The following MRGPRX1 variants were observed in gnomAD, a reference collection of about 807,000 sequenced individuals.
MRGPRX1 encodes mas-related G protein-coupled receptor member X1.
For synonymous variants in MRGPRX1, 208 were observed against 170.4 expected (o/e 1.22, Z -1.72); for missense variants, 411 against 393.8 (o/e 1.04, Z -0.37).
intron 1 of MRGPRX1, among the ~76,000 whole-genome samples, chr11:18,936,524 G>C (rs1848842222): frequency 6.6e-6 from 1 of 151,264 alleles, no homozygotes; most frequent in South Asian, 2.1e-4. Context: ...GGAGCATCAG[G>C]AGTGAGTGCA....
Position 18,934,439 on chromosome 11 carries a change from C to G in MRGPRX1, c.346G>C (p.Val116Leu), listed in dbSNP as rs145122494. The stretch of plus-strand genomic sequence containing the variant: ...ACGGACAGGCAGCGCTCGGTGCTCA[C>G]GGCACTCAGAAAGCTCAGGCCTGCA... ...YFAGLSFLSA[V>L]STERCLSVLW... The change falls in exon 2 of 2, where the codon GTG becomes CTG. Residue 116 changes from valine to leucine, a missense_variant. Transcript: ENST00000526914. The G allele has an allele frequency of 6.8e-6, 11 of 1,610,372 alleles. 1 individual carries two copies. The African/African-American group carries it at 1.1e-4, about 16-fold the overall frequency.
At chr11:18,936,213 CTG>C (rs1255011114) in intron 1 of MRGPRX1, among the ~76,000 whole-genome samples, 1 of 150,856 alleles carries the variant, frequency 6.6e-6, no homozygotes, top group Non-Finnish European at 1.5e-5. Context: ...CAGCACGACT[CTG>C]TGTCGATTAT....
chr11:18,934,353 G>A lies in MRGPRX1; in HGVS notation c.432C>T (p.Val144=). 6.2e-7 allele frequency: 1 copy of A among 1,610,832 alleles called. No homozygotes were observed. The highest frequency in any genetic ancestry group is 8.5e-7 in the Non-Finnish European group (1 of 1,178,168). The change falls in exon 2 of 2, where the codon GTC becomes GTT. Residue 144 remains valine (V), a synonymous_variant. Transcript: ENST00000526914. ...GCAGCAGGGACAGGGCCCAGAGCAG[G>A]ACACACACCACCGCTGACAGGTGTG... ...RPTHLSAVVC[V]LLWALSLLRS...
At position 18,933,797 on chromosome 11, in the gene MRGPRX1, A is replaced by G. The variant is rs745716221; in HGVS notation, c.*19T>C. The G allele has an allele frequency of 3.8e-6, 6 of 1,585,532 alleles. No homozygotes were observed. The highest frequency in any genetic ancestry group is 1.7e-4 in the Middle Eastern group (1 of 5,894). ...AGTGTTGCTCTCAAAGTCCTGTCTG[A>G]CAGGGCAGAGGCTCTTCCTCACTGC... On this transcript the variant is annotated 3_prime_UTR_variant, in exon 2 of 2. Transcript: ENST00000526914.
At chr11:18,937,544 T>C (rs1423465892) in intron 1 of MRGPRX1, among the ~76,000 whole-genome samples, 1 of 151,496 alleles carries the variant, frequency 6.6e-6, no homozygotes, top group Non-Finnish European at 1.5e-5. Flanking sequence ...ACTGACAAAA[T>C]GCAAATGCCA....
chr11:18,935,146 T>G, intron 1 of MRGPRX1: 1 of 208,452 alleles, frequency 4.8e-6, no homozygotes. Flanking sequence ...AATTCAGGTA[T>G]GCAAAGAGGT....
intron 1 of MRGPRX1, among the ~76,000 whole-genome samples, chr11:18,937,729 T>C (rs945831803): frequency 1.3e-5 from 2 of 151,540 alleles, no homozygotes; most frequent in African/African-American, 4.8e-5. Flanking sequence ...CACTGTACTT[T>C]CTTATTTAAG....
rs1336835267 is a variant in MRGPRX1 at position 18,934,547 on chromosome 11, G to T, written c.238C>A (p.Leu80Ile). The T allele has an allele frequency of 2.5e-6, 4 of 1,610,024 alleles. No homozygotes were observed. Among genetic ancestry groups the T allele is most frequent in the East Asian group, 4.5e-5 (2 of 44,798 alleles). Residue 80 changes from leucine to isoleucine, a missense_variant, in exon 2 of 2, where the codon CTT (leucine) becomes ATT (isoleucine). By Grantham distance (5) the Leu-to-Ile change is conservative. Coordinates refer to ENST00000526914, the MANE Select transcript of MRGPRX1 (RefSeq NM_001393578.1). Reference protein sequence around the residue: ...AADFLFLSGRLIYSLLSFISI... With the variant: ...AADFLFLSGRIIYSLLSFISI... Reference sequence around the variant, plus strand: ...ATGAAGCTTAACAGGGAATATATAAGGCGGCCGCTGAGGAAGAGGAAGTCT... The same window carrying T: ...ATGAAGCTTAACAGGGAATATATAATGCGGCCGCTGAGGAAGAGGAAGTCT...
At chr11:18,937,816 T>G (rs1284939478) in intron 1 of MRGPRX1, among the ~76,000 whole-genome samples, 1 of 151,508 alleles carries the variant, frequency 6.6e-6, no homozygotes, top group Admixed American at 6.6e-5. Flanking sequence ...CTTTTTAAAA[T>G]TACATTTTAT....
Position 18,934,806 on chromosome 11 carries a change from G to C in MRGPRX1, c.-22C>G. On this transcript the variant is annotated 5_prime_UTR_variant, in exon 2 of 2. Transcript: ENST00000526914. The stretch of plus-strand genomic sequence containing the variant: ...CCATGCTCAGAAACCCTAGTCTGGT[G>C]ACCCTGGAAACAGAAACCAGTTGTG... 3.9e-6 allele frequency: 6 copies of C among 1,538,908 alleles called. No individual in the cohort carries two copies. The highest frequency in any genetic ancestry group is 5.3e-6 in the Non-Finnish European group (6 of 1,142,658).
rs752317353 is a variant in MRGPRX1 at position 18,934,600 on chromosome 11, G to C, written c.185C>G (p.Ser62Cys). The C allele has an allele frequency of 1.2e-6, 2 of 1,609,916 alleles. No individual in the cohort carries two copies. Among genetic ancestry groups the C allele is most frequent in the South Asian group, 1.1e-5 (1 of 90,624 alleles). ...LGCRMRRNAF[S>C]IYILNLAAAD... is the part of the protein sequence containing the mutation. ...TGCGGCCAAGTTGAGGATGTAGATGGAGAAGGCGTTCCTGCGCATGCGGCA... is the reference window on the plus strand; with the variant it reads ...TGCGGCCAAGTTGAGGATGTAGATGCAGAAGGCGTTCCTGCGCATGCGGCA... The change falls in exon 2 of 2, where the codon TCC (serine) becomes TGC (cysteine). Residue 62 changes from serine (S) to cysteine (C), a missense_variant. By Grantham distance (112) the Ser-to-Cys change is moderately radical (BLOSUM62 -1). Transcript: ENST00000526914.
intron 1 of MRGPRX1, among the ~76,000 whole-genome samples, chr11:18,935,946 T>C (rs927447957): frequency 2.0e-5 from 3 of 151,452 alleles, no homozygotes; most frequent in African/African-American, 7.3e-5. Context: ...AAGAGAGATA[T>C]TCATGTAGAT....
chr11:18,934,140 G>A lies in MRGPRX1; in HGVS notation c.645C>T (p.Tyr215=), dbSNP rs1245445796. Residue 215 remains tyrosine (Y), a synonymous_variant, in exon 2 of 2, where the codon TAC becomes TAT. Transcript: ENST00000526914. ...CCAGTACTGTGAGCAGGATGGTCACGTACAGCCTGGTCAGCGGTATCTTCC... is the reference window on the plus strand; with the variant it reads ...CCAGTACTGTGAGCAGGATGGTCACATACAGCCTGGTCAGCGGTATCTTCC... The part of the protein sequence containing the change: ...GSRKIPLTRL[Y]VTILLTVLVF... 61 of 1,610,800 alleles carry A rather than the reference G, an allele frequency of 3.8e-5. 2 individuals carry two copies. Among genetic ancestry groups the A allele is most frequent in the Non-Finnish European group, 4.8e-5 (56 of 1,178,226 alleles).
rs1452166978 is a variant in MRGPRX1 at position 18,933,559 on chromosome 11, G to A, written c.*257C>T. Among the ~76,000 whole-genome samples the A allele has an allele frequency of 6.6e-6, 1 of 151,512 alleles. No individual in the cohort carries two copies. Among genetic ancestry groups the A allele is most frequent in the African/African-American group, 2.4e-5 (1 of 41,314 alleles). On this transcript the variant is annotated 3_prime_UTR_variant, in exon 2 of 2. Transcript: ENST00000526914. Reference sequence around the variant, plus strand: ...AAGAAAATTGCAGAAAAAGTGTTCTGTAGGAAAGATTCAGTGTGAGATAAC... The same window carrying A: ...AAGAAAATTGCAGAAAAAGTGTTCTATAGGAAAGATTCAGTGTGAGATAAC...
At chr11:18,935,108 G>C (rs190477262) in intron 1 of MRGPRX1, 331 of 260,038 alleles carry the variant, frequency 1.3e-3, no homozygotes, top group Middle Eastern at 2.6e-3. Flanking sequence ...ACTCTATCCT[G>C]GGCCTGAAAT....
chr11:18,938,776 A>G (rs1338953743), intron 1 of MRGPRX1, among the ~76,000 whole-genome samples: 1 of 151,436 alleles, frequency 6.6e-6, no homozygotes, highest in Non-Finnish European at 1.5e-5. Flanking sequence ...ATTGTTGCTT[A>G]GGGTGCTGAC....
intron 1 of MRGPRX1, 155 bp from the exon 2 acceptor site, chr11:18,934,964 G>A: frequency 1.2e-6 from 1 of 843,454 alleles, no homozygotes; most frequent in Non-Finnish European, 1.8e-6. Flanking sequence ...CTCAAATCCA[G>A]TTTGAAATCC....
rs72890000 is a variant in MRGPRX1 at position 18,934,314 on chromosome 11, C to T, written c.471G>A (p.Glu157=). ...WALSLLRSIL[E]WMLCGFLFSG... ...TGAACAGGAAGCCACATAACATCCA[C>T]TCCAGGATGCTCCGCAGCAGGGACA... Residue 157 remains glutamate (E), a synonymous_variant, in exon 2 of 2, where the codon GAG becomes GAA. Transcript: ENST00000526914. The T allele has an allele frequency of 0.11, 180,664 of 1,603,544 alleles. 14,007 individuals carry two copies. The highest frequency in any genetic ancestry group is 0.18 in the East Asian group (7,879 of 44,628).
rs774564282 is a variant in MRGPRX1, at chr11:18,933,875, C to A, written c.910G>T (p.Gly304Cys). 2 of 1,610,566 alleles carry A rather than the reference C, an allele frequency of 1.2e-6. No homozygotes were observed. Among genetic ancestry groups the A allele is most frequent in the Non-Finnish European group, 1.7e-6 (2 of 1,178,114 alleles). ...ALQDASEVDEGGGQLPEEILE... is the reference protein window; with the variant it reads ...ALQDASEVDECGGQLPEEILE... The stretch of plus-strand genomic sequence containing the variant: ...ATTTCCTCAGGAAGCTGCCCTCCAC[C>A]TTCATCCACCTCAGACGCGTCCTGC... Residue 304 changes from glycine (G) to cysteine (C), a missense_variant, in exon 2 of 2, where the codon GGT becomes TGT. Transcript: ENST00000526914.
Sources: allele counts gnomAD v4.1 joint callset (sites outside exome capture counted in the v4.1 genomes callset), GRCh38; gene constraint gnomAD v4.1.1; transcripts MANE v1.5; gene names NCBI Gene and HGNC (gene_info 2026-07-23, HGNC 2026-07-21).